Variants in CORIN observed in about 807,000 individuals in gnomAD.
The protein encoded by CORIN is corin, serine peptidase, also known as atrial natriuretic peptide-converting enzyme.
A neutral mutation model predicts 125.3 loss-of-function variants in CORIN; 117 were observed. That is an observed-to-expected ratio of 0.93 (90% CI 0.80 to 1.09). The LOEUF (loss-of-function observed/expected upper bound fraction) is 1.09, where lower values mean the gene tolerates loss of function less well. Among genes scored for constraint, CORIN ranks in the 50% least tolerant of loss-of-function variants. The pLI is 0.00. For synonymous variants in CORIN, 450 were observed against 466.4 expected (o/e 0.96, Z 0.45); for missense variants, 1,253 against 1,306.7 (o/e 0.96, Z 0.63).
At chr4:47,686,272 G>A (rs1454577481) in intron 6 of CORIN, among the ~76,000 whole-genome samples, 2 of 151,930 alleles carry the variant, frequency 1.3e-5, no homozygotes, top group African/African-American at 4.8e-5. Flanking sequence ...AGGAAGGTGT[G>A]TATGTGCACA....
At chr4:47,654,756 A>G (rs1355552892) in intron 12 of CORIN, among the ~76,000 whole-genome samples, 4 of 152,154 alleles carry the variant, frequency 2.6e-5, no homozygotes, top group African/African-American at 9.6e-5. Flanking sequence ...AAGGACTGCA[A>G]TTCTTGGGCA....
Position 47,763,524 on chromosome 4 carries a change from G to A in CORIN, c.472C>T (p.Pro158Ser), listed in dbSNP as rs751045278. The A allele has an allele frequency of 4.0e-5, 65 of 1,614,046 alleles. No homozygotes were observed. The Admixed American group carries it at 1.1e-3, about 26-fold the overall frequency. Residue 158 changes from proline (P) to serine (S), a missense_variant, in exon 4 of 22, where the codon CCT becomes TCT. Physicochemically the swap from Pro to Ser is moderately conservative, Grantham distance 74. Transcript: ENST00000273857. ...QMLPYHATLTPLLSVVRNMEM... is the reference protein window; with the variant it reads ...QMLPYHATLTSLLSVVRNMEM... ...ATGTTTCTGACAACTGAGAGGAGAGGTGTCAGCGTGGCGTGGTAGGGCAGC... is the reference window on the plus strand; with the variant it reads ...ATGTTTCTGACAACTGAGAGGAGAGATGTCAGCGTGGCGTGGTAGGGCAGC...
intron 3 of CORIN, 48 bp from the exon 4 acceptor site, chr4:47,763,634 T>C (rs756819889): frequency 7.4e-6 from 11 of 1,492,452 alleles, no homozygotes; most frequent in Non-Finnish European, 2.8e-6. Flanking sequence ...ATCAGAAGTA[T>C]ATGTTTGCAA....
At chr4:47,816,667 GA>G (rs1266686684) in intron 1 of CORIN, among the ~76,000 whole-genome samples, 1 of 152,138 alleles carries the variant, frequency 6.6e-6, no homozygotes. Context: ...TTATTCCAAT[GA>G]GCCTCAAAGC....
intron 19 of CORIN, among the ~76,000 whole-genome samples, chr4:47,614,087 A>G (rs1721978270): frequency 6.6e-6 from 1 of 152,230 alleles, no homozygotes. Flanking sequence ...GCAAAATAGA[A>G]CAAGAAAAGA....
Position 47,603,552 on chromosome 4 carries a change from C to A in CORIN, c.2657G>T (p.Arg886Leu), listed in dbSNP as rs150816024. ...GCTGATGTCATAGTCCACCACTGCTCGACTGTAGCGGGGATGCAGGATGAT... is the reference window on the plus strand; with the variant it reads ...GCTGATGTCATAGTCCACCACTGCTAGACTGTAGCGGGGATGCAGGATGAT... The part of the protein sequence containing the change: ...KTIILHPRYS[R>L]AVVDYDISIV... The change falls in exon 20 of 22, where the codon CGA (arginine) becomes CTA (leucine). Residue 886 changes from arginine (R) to leucine (L), a missense_variant. By Grantham distance (102) the Arg-to-Leu change is moderately radical (BLOSUM62 -2). Coordinates refer to ENST00000273857, the MANE Select transcript of CORIN (RefSeq NM_006587.4). The A allele has an allele frequency of 5.0e-6, 8 of 1,614,130 alleles. No individual in the cohort carries two copies. The highest frequency in any genetic ancestry group is 1.3e-5 in the African/African-American group (1 of 75,028).
intron 12 of CORIN, among the ~76,000 whole-genome samples, chr4:47,656,040 G>C (rs916750976): frequency 1.3e-5 from 2 of 150,580 alleles, no homozygotes; most frequent in African/African-American, 4.9e-5. Context: ...TCAAAAAAAA[G>C]AAAACTACAC....
intron 19 of CORIN, among the ~76,000 whole-genome samples, chr4:47,614,418 C>T (rs570265884): frequency 2.0e-5 from 3 of 152,232 alleles, no homozygotes; most frequent in East Asian, 3.9e-4. Context: ...AGGCTGGTCT[C>T]GAACTCCTGA....
At chr4:47,633,618 G>A (rs954644994) in intron 16 of CORIN, among the ~76,000 whole-genome samples, 3 of 151,812 alleles carry the variant, frequency 2.0e-5, no homozygotes, top group Admixed American at 6.6e-5. Context: ...TCCTTTTTTC[G>A]AGAACTTGAC....
At chr4:47,619,260 A>G (rs7697211) in intron 19 of CORIN, among the ~76,000 whole-genome samples, 40,976 of 152,168 alleles carry the variant, frequency 0.27, 5,663 homozygotes, top group Admixed American at 0.35. Context: ...ACCTCTTCAT[A>G]GCAGAGCAAA....
chr4:47,747,113 C>T (rs1728698066), intron 4 of CORIN, among the ~76,000 whole-genome samples: 1 of 152,040 alleles, frequency 6.6e-6, no homozygotes. Flanking sequence ...TGTGATCACC[C>T]CGATGCCAGC....
intron 13 of CORIN, among the ~76,000 whole-genome samples, chr4:47,649,902 CAA>C (rs1723666331): frequency 6.6e-6 from 1 of 152,164 alleles, no homozygotes; most frequent in South Asian, 2.1e-4. Context: ...AGCTACAGAG[CAA>C]AGAGTGGTCT....
Position 47,763,435 on chromosome 4 carries a change from G to A in CORIN, c.561C>T (p.Ile187=). 6.2e-7 allele frequency: 1 copy of A among 1,614,130 alleles called. No homozygotes were observed. Among genetic ancestry groups the A allele is most frequent in the Non-Finnish European group, 8.5e-7 (1 of 1,180,038 alleles). The change falls in exon 4 of 22, where the codon ATC becomes ATT. Residue 187 remains isoleucine (I), a synonymous_variant. Transcript: ENST00000273857. ...AGGCGAGGGTACAGCCAAACAGCAT[G>A]ATATGTTGATAGCAACTGAGGCGAT... ...YLHRLSCYQH[I]MLFGCTLAFP...
intron 1 of CORIN, among the ~76,000 whole-genome samples, chr4:47,833,404 G>A (rs1733165537): frequency 6.6e-6 from 1 of 151,426 alleles, no homozygotes; most frequent in African/African-American, 2.4e-5. Flanking sequence ...AAGTTAAAAT[G>A]GATTAAAGAC....
At chr4:47,649,380 CT>C (rs1723637004) in intron 13 of CORIN, among the ~76,000 whole-genome samples, 1 of 152,236 alleles carries the variant, frequency 6.6e-6, no homozygotes, top group Admixed American at 6.5e-5. Context: ...GACCAGCCCA[CT>C]CTCTTTTGCC....
At chr4:47,677,908 G>C in intron 9 of CORIN, 30 bp downstream of exon 9, 1 of 1,451,998 alleles carries the variant, frequency 6.9e-7, no homozygotes, top group Non-Finnish European at 9.7e-7. Context: ...ACCAGTAAAG[G>C]AATGTTCTGG....
At chr4:47,715,180 C>T (rs1002222707) in intron 5 of CORIN, among the ~76,000 whole-genome samples, 7 of 152,090 alleles carry the variant, frequency 4.6e-5, no homozygotes, top group African/African-American at 1.7e-4. Context: ...GTGTTCTAAC[C>T]TAAAGAAATA....
intron 2 of CORIN, among the ~76,000 whole-genome samples, chr4:47,800,714 G>A (rs1356612966): frequency 2.6e-5 from 4 of 152,118 alleles, no homozygotes; most frequent in South Asian, 4.1e-4. Context: ...AGCAAGAAGC[G>A]ACTAAATCTC....
chr4:47,762,063 CACAT>C (rs1467429026), intron 4 of CORIN, among the ~76,000 whole-genome samples: 20 of 151,930 alleles, frequency 1.3e-4, no homozygotes, highest in Admixed American at 8.5e-4. Flanking sequence ...CATATATGCA[CACAT>C]ACATATATGT....
Sources: allele counts gnomAD v4.1 joint callset (sites outside exome capture counted in the v4.1 genomes callset), GRCh38; gene constraint gnomAD v4.1.1; transcripts MANE v1.5; gene names NCBI Gene and HGNC (gene_info 2026-07-23, HGNC 2026-07-21).